PGD: variants seen among roughly 807,000 people sequenced by gnomAD.
PGD encodes the protein 6-phosphogluconate dehydrogenase, decarboxylating.
Under a neutral mutation model 60.4 loss-of-function variants are expected in PGD, and 21 were observed. The ratio of observed to expected loss-of-function variants is 0.35; its 90% CI spans 0.25 to 0.50. The LOEUF is 0.50. Among genes scored for constraint, PGD ranks in the 20% least tolerant of loss-of-function variants. PGD has a pLI of 0.98. For synonymous variants in PGD, 230 were observed against 235.9 expected (o/e 0.97, Z 0.23); for missense variants, 477 against 613.1 (o/e 0.78, Z 2.34).
chr1:10,399,712 G>T lies in PGD; in HGVS notation c.84+8G>T. 6.2e-7 allele frequency: 1 copy of T among 1,613,492 alleles called. No homozygotes were observed. The highest frequency in any genetic ancestry group is 8.5e-7 in the Non-Finnish European group (1 of 1,179,494). ...AATGACCACGGCTTTGTGGTAAGCG[G>T]CGTGGGCGCGTTGTCTTCTCTCTGG... On this transcript the variant is annotated splice_region_variant and intron_variant, in intron 2 of 12. Transcript: ENST00000270776.
At chr1:10,403,609 A>AAAAAAAAAAAC (rs1639352599) in intron 4 of PGD, among the ~76,000 whole-genome samples, 1 of 151,502 alleles carries the variant, frequency 6.6e-6, no homozygotes, top group Non-Finnish European at 1.5e-5. Flanking sequence ...AAAAAAAAAA[A>AAAAAAAAAAAC]AGACACTTGG....
At chr1:10,413,776 G>A (rs374273424) in intron 8 of PGD, among the ~76,000 whole-genome samples, 36 of 151,880 alleles carry the variant, frequency 2.4e-4, no homozygotes, top group Admixed American at 2.1e-3. Context: ...GTGGTGGCAC[G>A]TGCCTGTAGT....
intron 8 of PGD, among the ~76,000 whole-genome samples, chr1:10,416,256 G>T (rs1336472728): frequency 6.6e-6 from 1 of 152,132 alleles, no homozygotes; most frequent in Non-Finnish European, 1.5e-5. Flanking sequence ...ACCTTGCCCA[G>T]CCATAACAGT....
At chr1:10,401,193 C>T (rs1024477714) in intron 3 of PGD, among the ~76,000 whole-genome samples, 8 of 151,654 alleles carry the variant, frequency 5.3e-5, no homozygotes. Flanking sequence ...AGCGAGACTC[C>T]GTCTCAAAAA....
intron 10 of PGD, among the ~76,000 whole-genome samples, chr1:10,418,464 T>C (rs1426538443): frequency 1.3e-5 from 2 of 152,148 alleles, no homozygotes; most frequent in Non-Finnish European, 2.9e-5. Context: ...TCCAGCTTAC[T>C]TCCCTGTTAG....
chr1:10,405,401 T>TACACACACACACACACACAC (rs57033638), intron 5 of PGD, among the ~76,000 whole-genome samples: 241 of 108,504 alleles, frequency 2.2e-3, no homozygotes, highest in African/African-American at 6.5e-3. Flanking sequence ...AAACAAAAAA[T>TACACACACACACACACACAC]ACACACACAC....
At chr1:10,406,191 C>G (rs994973908) in intron 5 of PGD, among the ~76,000 whole-genome samples, 1 of 152,008 alleles carries the variant, frequency 6.6e-6, no homozygotes, top group Non-Finnish European at 1.5e-5. Context: ...GTGAATGAGT[C>G]TGGGGATTCT....
intron 8 of PGD, 46 bp downstream of exon 8, chr1:10,413,297 T>C: frequency 1.3e-6 from 2 of 1,532,248 alleles, no homozygotes; most frequent in East Asian, 2.3e-5. Flanking sequence ...ACTATTCTGA[T>C]CTTGATGTCT....
Position 10,416,608 on chromosome 1 carries a change from G to A in PGD, c.845-379G>A, listed in dbSNP as rs530643626. 7.7e-4 allele frequency among the ~76,000 whole-genome samples: 118 copies of A among 152,318 alleles called. 2 individuals carry two copies. Among genetic ancestry groups the A allele is most frequent in the Non-Finnish European group, 2.9e-4 (20 of 68,028 alleles). ...AATCACCTGGGTGCAGGCAGGTTGA[G>A]TCCGAAGAGTCAGCGAAGGGAGATA... is the stretch of plus-strand genomic sequence containing the variant. On this transcript the variant is annotated intron_variant, in intron 8 of 12. Coordinates refer to ENST00000270776, the MANE Select transcript of PGD (RefSeq NM_002631.4).
rs113893777 is a variant in PGD, at chr1:10,399,882, C to A, written c.84+178C>A. ...CCTGTAGGCGTGGGCGGGCCGATCC[C>A]GAACTTAGTCCTGCGGAGTGTGCCT... On this transcript the variant is annotated intron_variant, in intron 2 of 12. Coordinates refer to ENST00000270776, the MANE Select transcript of PGD (RefSeq NM_002631.4). The A allele has an allele frequency of 3.9e-3, 2,423 of 622,952 alleles. 45 individuals are homozygous for A. In the African/African-American group the frequency reaches 0.039, roughly 10 times the overall value. The allele number at this position is 622,952 out of a possible 1,614,324, so 38.6% of individuals were successfully genotyped here.
At chr1:10,408,166 C>T (rs756757503) in intron 6 of PGD, 26 bp downstream of exon 6, 1 of 1,366,040 alleles carries the variant, frequency 7.3e-7, no homozygotes, top group South Asian at 1.2e-5. Context: ...CTCTTTAAAG[C>T]CAATTGGCAA....
At chr1:10,408,841 T>A (rs541400279) in intron 6 of PGD, among the ~76,000 whole-genome samples, 4 of 152,302 alleles carry the variant, frequency 2.6e-5, no homozygotes, top group Non-Finnish European at 4.4e-5. Context: ...ACTCCTGGAC[T>A]CTCAAGTCAT....
chr1:10,414,180 A>G (rs565541590), intron 8 of PGD, among the ~76,000 whole-genome samples: 2 of 152,306 alleles, frequency 1.3e-5, no homozygotes, highest in South Asian at 2.1e-4. Flanking sequence ...TTGTTTTGCT[A>G]AGTTCCTTCT....
chr1:10,417,099 C>G lies in PGD; in HGVS notation c.957C>G (p.Phe319Leu). The change falls in exon 9 of 13, where the codon TTC becomes TTG. Residue 319 changes from phenylalanine to leucine, a missense_variant. This residue lies in a region of PGD where 431 missense variants were observed against 556.6 expected (regional missense o/e 0.77). Coordinates refer to ENST00000270776, the MANE Select transcript of PGD (RefSeq NM_002631.4). Reference protein sequence around the residue: ...KFQFDGDKKSFLEDIRKALYA... With the variant: ...KFQFDGDKKSLLEDIRKALYA... ...AGTTTGATGGTGATAAGAAATCATT[C>G]CTGGAGGACATTCGGAAGGTGGGAC... 10 of 1,613,928 alleles carry G rather than the reference C, an allele frequency of 6.2e-6. No individual in the cohort carries two copies. Among genetic ancestry groups the G allele is most frequent in the Non-Finnish European group, 8.5e-6 (10 of 1,179,878 alleles).
rs181999445 is a variant in PGD, at chr1:10,417,475, G to T, written c.1075G>T (p.Ala359Ser). ...CTGGACTCTCAATTATGGTGGCATC[G>T]CCCTGATGTGGAGAGGGGGCTGCAT... ...FGWTLNYGGI[A>S]LMWRGGCIIR... The change falls in exon 10 of 13, where the codon GCC becomes TCC. Residue 359 changes from alanine to serine, a missense_variant. Physicochemically the swap from Ala to Ser is moderately conservative, Grantham distance 99. This residue lies in a region of PGD where 431 missense variants were observed against 556.6 expected (regional missense o/e 0.77). Transcript: ENST00000270776. The T allele has an allele frequency of 6.2e-7, 1 of 1,613,716 alleles. No individual in the cohort carries two copies. Among genetic ancestry groups the T allele is most frequent in the Admixed American group, 1.7e-5 (1 of 59,944 alleles).
chr1:10,416,993 C>A lies in PGD; in HGVS notation c.851C>A (p.Ala284Asp). 6.2e-7 allele frequency: 1 copy of A among 1,613,396 alleles called. No individual in the cohort carries two copies. The highest frequency in any genetic ancestry group is 1.3e-5 in the African/African-American group (1 of 75,018). The change falls in exon 9 of 13, where the codon GCT becomes GAT. Residue 284 changes from alanine (A) to aspartate (D), a missense_variant. Transcript: ENST00000270776. Reference protein sequence around the residue: ...YGVPVTLIGEAVFARCLSSLK... With the variant: ...YGVPVTLIGEDVFARCLSSLK... ...TCCCGATCTCCCCATGTAGGAGAAG[C>A]TGTCTTTGCTCGGTGCTTATCATCT...
In PGD at chr1:10,399,413, C is replaced by T. The variant is rs569165634; in HGVS notation, c.9-216C>T. ...CGAGTCTGCAGGGACACCTGCGGGA[C>T]GCGTGCCAGCGGGAGCCGGGCGCGA... is the stretch of plus-strand genomic sequence containing the variant. On this transcript the variant is annotated intron_variant, in intron 1 of 12. Transcript: ENST00000270776. 1.3e-5 allele frequency: 6 copies of T among 457,520 alleles called. No individual in the cohort carries two copies. The East Asian group carries it at 2.2e-4, about 17-fold the overall frequency. 28.3% of individuals were successfully genotyped at this position (457,520 alleles called of 1,614,324 possible).
Position 10,400,469 on chromosome 1 carries a change from G to C in PGD, c.161G>C (p.Gly54Ala), listed in dbSNP as rs1481751409. ...GAGGCAAAGGGAACCAAAGTGGTGG[G>C]TGCCCAGTCCCTGAAAGAGATGGTC... is the stretch of plus-strand genomic sequence containing the variant. Reference protein sequence around the residue: ...ANEAKGTKVVGAQSLKEMVSK... With the variant: ...ANEAKGTKVVAAQSLKEMVSK... Residue 54 changes from glycine (G) to alanine (A), a missense_variant, in exon 3 of 13, where the codon GGT becomes GCT. Gly to Ala is a moderately conservative substitution (Grantham distance 60). This residue lies in a region of PGD where 431 missense variants were observed against 556.6 expected (regional missense o/e 0.77). Coordinates refer to ENST00000270776, the MANE Select transcript of PGD (RefSeq NM_002631.4). The C allele has an allele frequency of 1.2e-6, 2 of 1,613,874 alleles. No homozygotes were observed. Among genetic ancestry groups the C allele is most frequent in the Admixed American group, 3.3e-5 (2 of 59,994 alleles).
chr1:10,405,534 C>G (rs954863835), intron 5 of PGD, among the ~76,000 whole-genome samples: 11 of 148,512 alleles, frequency 7.4e-5, no homozygotes, highest in South Asian at 2.2e-4. Flanking sequence ...GCCACCGTGC[C>G]TGGTCTGAAA....
Sources: allele counts gnomAD v4.1 joint callset (sites outside exome capture counted in the v4.1 genomes callset), GRCh38; gene constraint gnomAD v4.1.1; regional missense constraint gnomAD v4.1.1; transcripts MANE v1.5; gene names NCBI Gene and HGNC (gene_info 2026-07-23, HGNC 2026-07-21).